Variants in ONECUT3 observed in about 807,000 individuals in gnomAD.
The protein encoded by ONECUT3 is one cut homeobox 3.
Under a neutral mutation model 16.8 loss-of-function variants are expected in ONECUT3, and 11 were observed. The observed-to-expected ratio is 0.66, with a 90% CI of 0.41 to 1.09. The LOEUF is 1.09. Ranked by LOEUF, ONECUT3 falls within the 50% of genes least tolerant of loss-of-function variation. The pLI, the probability that ONECUT3 is intolerant of heterozygous loss-of-function variation, is 0.00. For missense variants in ONECUT3, 637 were observed against 629.9 expected, an observed-to-expected ratio of 1.01 and a Z score of -0.12; for synonymous variants, 344 against 310.7, an observed-to-expected ratio of 1.11 and a Z score of -1.13.
At chr19:1,765,596 G>A (rs559308828) in intron 1 of ONECUT3, among the ~76,000 whole-genome samples, 40 of 152,342 alleles carry the variant, frequency 2.6e-4, no homozygotes, top group African/African-American at 9.1e-4. Context: ...CTGGCCTCAC[G>A]CAGCAGCTGC....
chr19:1,756,714 T>TTTA, intron 1 of ONECUT3, among the ~76,000 whole-genome samples: 1 of 145,570 alleles, frequency 6.9e-6, no homozygotes, highest in African/African-American at 2.6e-5. Flanking sequence ...TTTTTTTTTT[T>TTTA]TTTTTGTATT....
Position 1,754,637 on chromosome 19 carries a change from G to A in ONECUT3, c.975G>A (p.Glu325=). ...CGGCCGAGGAGATCAACACCAAGGA[G>A]GTGGCGCAGCGCATCACGGCGGAGC... ...GAAAEEINTK[E]VAQRITAELK... The change falls in exon 1 of 2, where the codon GAG becomes GAA. Residue 325 remains glutamate, a synonymous_variant. Transcript: ENST00000382349. This position sits in a 1 kb window ranked among gnomAD's most constrained non-coding sequence, Gnocchi z 7.4. The A allele has an allele frequency of 6.6e-7, 1 of 1,503,764 alleles. No individual in the cohort carries two copies. Among genetic ancestry groups the A allele is most frequent in the African/African-American group, 1.4e-5 (1 of 69,370 alleles). The allele number at this position is 1,503,764 out of a possible 1,614,324, so 93.2% of individuals were successfully genotyped here.
At position 1,758,742 on chromosome 19, in the gene ONECUT3, A is replaced by G. The variant is rs1044883596; in HGVS notation, c.1192+3888A>G. Among the ~76,000 whole-genome samples the G allele has an allele frequency of 4.1e-5, 6 of 146,552 alleles. No homozygotes were observed. The highest frequency in any genetic ancestry group is 2.1e-4 in the East Asian group (1 of 4,686). On this transcript the variant is annotated intron_variant, in intron 1 of 1. Coordinates refer to ENST00000382349, the MANE Select transcript of ONECUT3 (RefSeq NM_001080488.2). This position sits in a 1 kb window ranked among gnomAD's most constrained non-coding sequence, Gnocchi z 5.9. ...AAGCTCTCCCCTGGCGCCGTCTCCA[A>G]CAGTAATTATGGGAGAGGGGCTGGG...
chr19:1,757,444 C>T (rs1371399365), intron 1 of ONECUT3, among the ~76,000 whole-genome samples: 3 of 152,226 alleles, frequency 2.0e-5, no homozygotes, highest in African/African-American at 7.2e-5. Context: ...GTGGGGGAAC[C>T]GGAGGGGTGA....
At position 1,759,333 on chromosome 19, in the gene ONECUT3, C is replaced by T. The variant is rs112228195; in HGVS notation, c.1192+4479C>T. ...TACAGGCCCTCCCTCCCCGGCTTCT[C>T]CCCCCTACCCGCTGCCACCATCAAG... is the stretch of plus-strand genomic sequence containing the variant. On this transcript the variant is annotated intron_variant, in intron 1 of 1. Transcript: ENST00000382349. This position sits in a 1 kb window ranked among gnomAD's most constrained non-coding sequence, Gnocchi z 4.1. Among the ~76,000 whole-genome samples, 7 of 151,704 alleles carry T rather than the reference C, an allele frequency of 4.6e-5. No individual in the cohort carries two copies. The highest frequency in any genetic ancestry group is 7.4e-5 in the Non-Finnish European group (5 of 67,926).
rs1181189353 is a variant in ONECUT3, at chr19:1,762,452, G to A, written c.1192+7598G>A. Among the ~76,000 whole-genome samples, 1 of 152,242 alleles carries A rather than the reference G, an allele frequency of 6.6e-6. No homozygotes were observed. Among genetic ancestry groups the A allele is most frequent in the African/African-American group, 2.4e-5 (1 of 41,464 alleles). On this transcript the variant is annotated intron_variant, in intron 1 of 1. Coordinates refer to ENST00000382349, the MANE Select transcript of ONECUT3 (RefSeq NM_001080488.2). This position sits in a 1 kb window ranked among gnomAD's most constrained non-coding sequence, Gnocchi z 4.4. ...GCCCTTTCCCGTCCAAGGACCTGCT[G>A]GGGGGATGACTGTGCCTCAGTTTCC...
At chr19:1,771,254 G>A (rs562117114) in intron 1 of ONECUT3, among the ~76,000 whole-genome samples, 1 of 152,166 alleles carries the variant, frequency 6.6e-6, no homozygotes, top group Admixed American at 6.5e-5. Context: ...TCCTGATTTG[G>A]AGGACCCCTT....
At chr19:1,763,440 G>A (rs573507641) in intron 1 of ONECUT3, among the ~76,000 whole-genome samples, 25 of 146,948 alleles carry the variant, frequency 1.7e-4, no homozygotes, top group African/African-American at 5.9e-4. Context: ...CGGCTACTCA[G>A]GAGGCTGAGC....
intron 1 of ONECUT3, among the ~76,000 whole-genome samples, chr19:1,771,011 T>C (rs534921565): frequency 3.0e-4 from 46 of 152,350 alleles, no homozygotes; most frequent in Non-Finnish European, 5.6e-4. Flanking sequence ...TTGGAAAACA[T>C]TGTCCACAGC....
intron 1 of ONECUT3, among the ~76,000 whole-genome samples, chr19:1,767,811 C>T (rs1191743069): frequency 2.0e-5 from 3 of 152,176 alleles, no homozygotes; most frequent in Non-Finnish European, 2.9e-5. Flanking sequence ...TACAGTAAAG[C>T]CACCATGACT....
chr19:1,775,810 T>G lies in ONECUT3; in HGVS notation c.*365T>G. On this transcript the variant is annotated 3_prime_UTR_variant, in exon 2 of 2. Coordinates refer to ENST00000382349, the MANE Select transcript of ONECUT3 (RefSeq NM_001080488.2). Reference sequence around the variant, plus strand: ...CCCCTAAAGCGGGTCAAGAAGCACATACTAGAAATATAAACCGGGTATTTA... The same window carrying G: ...CCCCTAAAGCGGGTCAAGAAGCACAGACTAGAAATATAAACCGGGTATTTA... 5.7e-6 allele frequency: 1 copy of G among 174,018 alleles called. No individual in the cohort carries two copies. The highest frequency in any genetic ancestry group is 1.2e-5 in the Non-Finnish European group (1 of 83,142). 10.8% of individuals were successfully genotyped at this position (174,018 alleles called of 1,614,324 possible).
Position 1,755,063 on chromosome 19 carries a change from G to A in ONECUT3, c.1192+209G>A, listed in dbSNP as rs1363373066. Reference sequence around the variant, plus strand: ...CCAAAAGGGAGAAAGGGATTGTGCCGCCTCCCCGCCCCCCGGTCGCCGCTT... The same window carrying A: ...CCAAAAGGGAGAAAGGGATTGTGCCACCTCCCCGCCCCCCGGTCGCCGCTT... On this transcript the variant is annotated intron_variant, in intron 1 of 1. Transcript: ENST00000382349. The surrounding 1 kb of genome is among the most constrained non-coding windows in gnomAD (Gnocchi z 7.5). Among the ~76,000 whole-genome samples the A allele has an allele frequency of 6.6e-6, 1 of 152,202 alleles. No homozygotes were observed. The highest frequency in any genetic ancestry group is 2.1e-4 in the South Asian group (1 of 4,830).
In ONECUT3 at chr19:1,759,129, A is replaced by C. The variant is rs2067933047; in HGVS notation, c.1192+4275A>C. On this transcript the variant is annotated intron_variant, in intron 1 of 1. Coordinates refer to ENST00000382349, the MANE Select transcript of ONECUT3 (RefSeq NM_001080488.2). This position sits in a 1 kb window ranked among gnomAD's most constrained non-coding sequence, Gnocchi z 4.1. ...GATGCTTTGCCCTTAAGCAGAACGA[A>C]GTGTCCTAGGGACAAAAACCAGAGC... Among the ~76,000 whole-genome samples, 1 of 152,106 alleles carries C rather than the reference A, an allele frequency of 6.6e-6. No individual in the cohort carries two copies. Among genetic ancestry groups the C allele is most frequent in the African/African-American group, 2.4e-5 (1 of 41,416 alleles).
rs892237175 is a variant in ONECUT3 at position 1,779,807 on chromosome 19, G to A, written c.*4362G>A. 26 of 152,156 alleles carry A rather than the reference G, an allele frequency of 1.7e-4. No homozygotes were observed. The highest frequency in any genetic ancestry group is 6.0e-4 in the African/African-American group (25 of 41,470). 9.4% of individuals were successfully genotyped at this position (152,156 alleles called of 1,614,324 possible). On this transcript the variant is annotated 3_prime_UTR_variant, in exon 2 of 2. Transcript: ENST00000382349. ...GGAACTGTGTCCAGCCGGGACAGGT[G>A]GACGGGGCCCCAGGTAGAGGGGGCG...
chr19:1,761,281 G>A (rs1005878211), intron 1 of ONECUT3, among the ~76,000 whole-genome samples: 3 of 151,988 alleles, frequency 2.0e-5, no homozygotes, highest in Non-Finnish European at 2.9e-5. Flanking sequence ...TCAAATTCCT[G>A]ACCTCAGATG....
Position 1,766,176 on chromosome 19 carries a change from G to A in ONECUT3, c.1193-8977G>A, listed in dbSNP as rs578019409. On this transcript the variant is annotated intron_variant, in intron 1 of 1. Transcript: ENST00000382349. This position sits in a 1 kb window ranked among gnomAD's most constrained non-coding sequence, Gnocchi z 4.0. ...CCCATCGTGGTTGAGCGCCCGTGCA[G>A]GCGCCACCCACCCACCCACAGCACC... is the stretch of plus-strand genomic sequence containing the variant. 1.3e-5 allele frequency among the ~76,000 whole-genome samples: 2 copies of A among 152,352 alleles called. No individual in the cohort carries two copies. Among genetic ancestry groups the A allele is most frequent in the South Asian group, 4.1e-4 (2 of 4,832 alleles).
rs752479300 is a variant in ONECUT3, at chr19:1,759,126, C to T, written c.1192+4272C>T. ...TGGGATGCTTTGCCCTTAAGCAGAACGAAGTGTCCTAGGGACAAAAACCAG... is the reference window on the plus strand; with the variant it reads ...TGGGATGCTTTGCCCTTAAGCAGAATGAAGTGTCCTAGGGACAAAAACCAG... On this transcript the variant is annotated intron_variant, in intron 1 of 1. Transcript: ENST00000382349. This position sits in a 1 kb window ranked among gnomAD's most constrained non-coding sequence, Gnocchi z 4.1. Among the ~76,000 whole-genome samples, 4 of 152,012 alleles carry T rather than the reference C, an allele frequency of 2.6e-5. No homozygotes were observed. Among genetic ancestry groups the T allele is most frequent in the Non-Finnish European group, 5.9e-5 (4 of 68,008 alleles).
In ONECUT3 at chr19:1,755,735, T is replaced by A. The variant is rs1416107512; in HGVS notation, c.1192+881T>A. On this transcript the variant is annotated intron_variant, in intron 1 of 1. Transcript: ENST00000382349. The surrounding 1 kb of genome is among the most constrained non-coding windows in gnomAD (Gnocchi z 7.5). The stretch of plus-strand genomic sequence containing the variant: ...GTTCCTGCTCATTATCTCTTCTCCC[T>A]GTCGGTCTCTCCGCCTCTGTCTCTG... Among the ~76,000 whole-genome samples the A allele has an allele frequency of 1.3e-5, 2 of 152,226 alleles. No individual in the cohort carries two copies. Among genetic ancestry groups the A allele is most frequent in the Non-Finnish European group, 2.9e-5 (2 of 68,044 alleles).
At position 1,762,439 on chromosome 19, in the gene ONECUT3, C is replaced by T. The variant is rs1004338940; in HGVS notation, c.1192+7585C>T. On this transcript the variant is annotated intron_variant, in intron 1 of 1. Transcript: ENST00000382349. This position sits in a 1 kb window ranked among gnomAD's most constrained non-coding sequence, Gnocchi z 4.4. Reference sequence around the variant, plus strand: ...CGCATTTCCAAGCGCCCTTTCCCGTCCAAGGACCTGCTGGGGGGATGACTG... The same window carrying T: ...CGCATTTCCAAGCGCCCTTTCCCGTTCAAGGACCTGCTGGGGGGATGACTG... Among the ~76,000 whole-genome samples the T allele has an allele frequency of 1.1e-4, 16 of 152,274 alleles. No homozygotes were observed. Among genetic ancestry groups the T allele is most frequent in the African/African-American group, 3.4e-4 (14 of 41,476 alleles).
Sources: allele counts gnomAD v4.1 joint callset (sites outside exome capture counted in the v4.1 genomes callset), GRCh38; gene constraint gnomAD v4.1.1; non-coding constraint Gnocchi (gnomAD v3.1); transcripts MANE v1.5; gene names NCBI Gene and HGNC (gene_info 2026-07-23, HGNC 2026-07-21).